ANKRD13C: variants seen among roughly 807,000 people sequenced by gnomAD.
ANKRD13C encodes the protein ankyrin repeat domain-containing protein 13C.
In ANKRD13C, 16 loss-of-function variants were observed where a neutral mutation model predicts 65.5. The ratio of observed to expected loss-of-function variants is 0.24; its 90% CI spans 0.17 to 0.37. The LOEUF (loss-of-function observed/expected upper bound fraction) is 0.37, where lower values mean the gene tolerates loss of function less well. Ranked by LOEUF, ANKRD13C falls within the 10% of genes least tolerant of loss-of-function variation. ANKRD13C has a pLI of 1.00. For synonymous variants in ANKRD13C, 235 were observed against 238.7 expected, an observed-to-expected ratio of 0.98 and a Z score of 0.14; for missense variants, 503 against 655.9, an observed-to-expected ratio of 0.77 and a Z score of 2.55.
chr1:70,270,193 A>C (rs942547128), intron 12 of ANKRD13C, among the ~76,000 whole-genome samples: 2 of 152,190 alleles, frequency 1.3e-5, no homozygotes, highest in Admixed American at 6.5e-5. Flanking sequence ...ACAGAAACTG[A>C]AAGCATAGCT....
chr1:70,265,653 C>A (rs1678583860), intron 12 of ANKRD13C, among the ~76,000 whole-genome samples: 1 of 151,206 alleles, frequency 6.6e-6, no homozygotes, highest in East Asian at 1.9e-4. Context: ...GTTGAGACCC[C>A]ATCTGTACGA....
chr1:70,285,997 T>TA (rs1288774681), intron 9 of ANKRD13C, among the ~76,000 whole-genome samples: 2 of 152,276 alleles, frequency 1.3e-5, no homozygotes, highest in East Asian at 3.9e-4. Flanking sequence ...TTTTCTTCTT[T>TA]AATGACCACT....
intron 6 of ANKRD13C, among the ~76,000 whole-genome samples, chr1:70,301,522 GC>G (rs1680355608): frequency 6.6e-6 from 1 of 152,072 alleles, no homozygotes; most frequent in African/African-American, 2.4e-5. Flanking sequence ...ACCAAACCTT[GC>G]TTTATCCTTC....
intron 7 of ANKRD13C, among the ~76,000 whole-genome samples, chr1:70,299,502 C>T (rs1680234008): frequency 6.6e-6 from 1 of 152,064 alleles, no homozygotes; most frequent in African/African-American, 2.4e-5. Flanking sequence ...TAAGACTTTC[C>T]AATGGTCCAG....
chr1:70,341,411 G>A (rs1257884112), intron 1 of ANKRD13C, among the ~76,000 whole-genome samples: 2 of 147,540 alleles, frequency 1.4e-5, no homozygotes, highest in Non-Finnish European at 3.0e-5. Flanking sequence ...ACCCAGGCTG[G>A]AGTGGAATAG....
intron 6 of ANKRD13C, 119 bp from the exon 7 acceptor site, chr1:70,301,027 G>A: frequency 9.9e-7 from 1 of 1,013,786 alleles, no homozygotes; most frequent in East Asian, 3.2e-5. Context: ...ATATTGCAAA[G>A]TCAAATTTAT....
chr1:70,275,687 C>T (rs7552694), intron 10 of ANKRD13C, among the ~76,000 whole-genome samples: 7 of 151,948 alleles, frequency 4.6e-5, no homozygotes, highest in East Asian at 1.9e-4. Flanking sequence ...TAAGGTCAGG[C>T]GCAGTGGCTC....
intron 2 of ANKRD13C, among the ~76,000 whole-genome samples, chr1:70,332,532 T>C (rs1322727517): frequency 6.6e-6 from 1 of 152,196 alleles, no homozygotes; most frequent in Non-Finnish European, 1.5e-5. Flanking sequence ...TGTGGTATGA[T>C]CTCGGCTCAC....
chr1:70,350,724 A>G (rs1264788094), intron 1 of ANKRD13C, among the ~76,000 whole-genome samples: 1 of 146,852 alleles, frequency 6.8e-6, no homozygotes, highest in African/African-American at 2.4e-5. Flanking sequence ...GTCCTAATCA[A>G]TAGAAATACT....
intron 2 of ANKRD13C, among the ~76,000 whole-genome samples, chr1:70,331,479 T>A (rs2101571944): frequency 6.6e-6 from 1 of 151,684 alleles, no homozygotes; most frequent in East Asian, 1.9e-4. Flanking sequence ...AAAGGTACAG[T>A]GTATCTTAAA....
At chr1:70,269,223 G>A (rs115399573) in intron 12 of ANKRD13C, among the ~76,000 whole-genome samples, 1,917 of 152,182 alleles carry the variant, frequency 0.013, 44 homozygotes, top group African/African-American at 0.043. Context: ...AAGTATACAA[G>A]CAAAATATTA....
intron 8 of ANKRD13C, chr1:70,293,601 T>C: frequency 1.0e-6 from 1 of 981,148 alleles, no homozygotes; most frequent in Non-Finnish European, 1.2e-6. Flanking sequence ...TTATCTTCTC[T>C]TGAAGTGATC....
intron 1 of ANKRD13C, among the ~76,000 whole-genome samples, chr1:70,341,118 A>G (rs1240923167): frequency 6.6e-6 from 1 of 152,146 alleles, no homozygotes; most frequent in Non-Finnish European, 1.5e-5. Context: ...TCAAAAAACA[A>G]CTATTGGGAT....
At chr1:70,334,553 G>A (rs1681936439) in intron 2 of ANKRD13C, among the ~76,000 whole-genome samples, 2 of 152,064 alleles carry the variant, frequency 1.3e-5, no homozygotes, top group Admixed American at 6.6e-5. Flanking sequence ...CTTGAGCTCA[G>A]GAGTTCTCAA....
Position 70,259,106 on chromosome 1 carries a change from C to A in ANKRD13C, c.*3611G>T, listed in dbSNP as rs907326154. On this transcript the variant is annotated 3_prime_UTR_variant, in exon 13 of 13. Transcript: ENST00000370944. ...ATGGTTCTCACAATGACAAAATCAC[C>A]TGATGCATTCCACAGAACATGTACC... is the stretch of plus-strand genomic sequence containing the variant. 2.6e-5 allele frequency among the ~76,000 whole-genome samples: 4 copies of A among 152,104 alleles called. No homozygotes were observed. The highest frequency in any genetic ancestry group is 7.2e-5 in the African/African-American group (3 of 41,424).
intron 9 of ANKRD13C, among the ~76,000 whole-genome samples, chr1:70,280,508 A>G (rs1006977994): frequency 6.6e-6 from 1 of 152,234 alleles, no homozygotes; most frequent in Non-Finnish European, 1.5e-5. Flanking sequence ...AGGGTTTTAC[A>G]TATGAAGTAG....
intron 9 of ANKRD13C, among the ~76,000 whole-genome samples, chr1:70,289,552 C>T (rs1679766517): frequency 6.6e-6 from 1 of 152,000 alleles, no homozygotes; most frequent in Non-Finnish European, 1.5e-5. Context: ...GCAAGCTCTG[C>T]CTCCCGGGGG....
In ANKRD13C at chr1:70,354,673, C is replaced by G; in HGVS notation, c.-265G>C. ...ATCTCAGTCTCGCCGTCGCAGCCGC[C>G]GTCGCTGCCTTACACCGAAAAACAG... On this transcript the variant is annotated 5_prime_UTR_variant, in exon 1 of 13. Coordinates refer to ENST00000370944, the MANE Select transcript of ANKRD13C (RefSeq NM_030816.5). The G allele has an allele frequency of 2.4e-6, 2 of 837,238 alleles. No individual in the cohort carries two copies. Among genetic ancestry groups the G allele is most frequent in the Non-Finnish European group, 3.6e-6 (2 of 555,562 alleles). 51.9% of individuals were successfully genotyped at this position (837,238 alleles called of 1,614,324 possible). A position where few individuals can be genotyped will look rare whatever the true frequency, so the allele number is the denominator to read the frequency against.
chr1:70,274,009 C>T (rs1024157169), intron 11 of ANKRD13C, among the ~76,000 whole-genome samples: 1 of 151,824 alleles, frequency 6.6e-6, no homozygotes, highest in African/African-American at 2.4e-5. Flanking sequence ...AAAACGTGAA[C>T]CATTCCCCCA....
Sources: allele counts gnomAD v4.1 joint callset (sites outside exome capture counted in the v4.1 genomes callset), GRCh38; gene constraint gnomAD v4.1.1; transcripts MANE v1.5; gene names NCBI Gene and HGNC (gene_info 2026-07-23, HGNC 2026-07-21).